Variants in SPMAP2L observed in about 807,000 individuals in gnomAD.
SPMAP2L encodes the protein sperm microtubule associated protein 2 like.
At chr4:56,590,377 G>A in the SPMAP2L span, among the ~76,000 whole-genome samples, 2 of 152,184 alleles carry the variant, frequency 1.3e-5, no homozygotes, top group African/African-American at 4.8e-5. Flanking sequence ...TCAAAATTAT[G>A]CATGGCTAAA....
the SPMAP2L span, among the ~76,000 whole-genome samples, chr4:56,544,811 C>T: frequency 6.6e-6 from 1 of 152,198 alleles, no homozygotes; most frequent in East Asian, 1.9e-4. Context: ...AGTTCCAGAC[C>T]CGCTTGTGGA....
chr4:56,566,277 C>A, the SPMAP2L span, among the ~76,000 whole-genome samples: 2 of 152,278 alleles, frequency 1.3e-5, no homozygotes, highest in Non-Finnish European at 2.9e-5. Context: ...TGGCTCACTG[C>A]AACCTCTGCC....
the SPMAP2L span, among the ~76,000 whole-genome samples, chr4:56,610,832 CAT>C: frequency 6.6e-6 from 1 of 151,950 alleles, no homozygotes; most frequent in African/African-American, 2.4e-5. Context: ...GGCCAAGAAA[CAT>C]ATGAAAAAAA....
At chr4:56,601,963 A>C in the SPMAP2L span, among the ~76,000 whole-genome samples, 5 of 152,226 alleles carry the variant, frequency 3.3e-5, no homozygotes, top group African/African-American at 1.2e-4. Context: ...AGAAGGGTAT[A>C]CAAGAAGCTA....
chr4:56,571,553 G>A, the SPMAP2L span, among the ~76,000 whole-genome samples: 1 of 152,040 alleles, frequency 6.6e-6, no homozygotes, highest in Non-Finnish European at 1.5e-5. Context: ...CTGGGCTGAA[G>A]CAATCTGCCT....
chr4:56,566,956 A>G, the SPMAP2L span, among the ~76,000 whole-genome samples: 1 of 151,628 alleles, frequency 6.6e-6, no homozygotes, highest in Non-Finnish European at 1.5e-5. Context: ...TGGCCTCCCA[A>G]AGTTCTAGGA....
At chr4:56,539,488 C>G in the SPMAP2L span, among the ~76,000 whole-genome samples, 2 of 152,188 alleles carry the variant, frequency 1.3e-5, no homozygotes, top group Admixed American at 6.5e-5. Flanking sequence ...ATGGTGCAAT[C>G]TCAGCTCACT....
the SPMAP2L span, among the ~76,000 whole-genome samples, chr4:56,616,817 T>C: frequency 0.5 from 75,583 of 151,994 alleles, 20,116 homozygotes; most frequent in African/African-American, 0.69. Context: ...CTCAGATGTT[T>C]AGTGCAAGGT....
the SPMAP2L span, among the ~76,000 whole-genome samples, chr4:56,606,677 T>C: frequency 5.9e-5 from 9 of 151,602 alleles, no homozygotes; most frequent in Admixed American, 5.9e-4. Context: ...AAATAGGAGG[T>C]TGTGTGAAGC....
the SPMAP2L span, chr4:56,584,500 C>T: frequency 6.5e-7 from 1 of 1,531,630 alleles, no homozygotes; most frequent in African/African-American, 1.4e-5. Flanking sequence ...CATATAGACC[C>T]TTCAGTGATA....
At chr4:56,615,571 A>T in the SPMAP2L span, among the ~76,000 whole-genome samples, 1 of 151,984 alleles carries the variant, frequency 6.6e-6, no homozygotes, top group Non-Finnish European at 1.5e-5. Flanking sequence ...ACATGGCGAA[A>T]CCCCGTCTCT....
the SPMAP2L span, chr4:56,595,003 C>T: frequency 1.2e-6 from 2 of 1,607,028 alleles, no homozygotes; most frequent in Non-Finnish European, 1.7e-6. Context: ...TTTGCCCAAT[C>T]ATCCCATCAT....
the SPMAP2L span, among the ~76,000 whole-genome samples, chr4:56,604,431 A>G: frequency 6.6e-6 from 1 of 152,150 alleles, no homozygotes; most frequent in Non-Finnish European, 1.5e-5. Context: ...AGGCCGAGGC[A>G]GATGGATCAC....
the SPMAP2L span, among the ~76,000 whole-genome samples, chr4:56,563,005 A>G: frequency 6.6e-6 from 1 of 151,490 alleles, no homozygotes; most frequent in Non-Finnish European, 1.5e-5. Flanking sequence ...GAACTTGTGC[A>G]TGAAACTTTC....
At chr4:56,571,194 T>A in the SPMAP2L span, among the ~76,000 whole-genome samples, 1 of 152,014 alleles carries the variant, frequency 6.6e-6, no homozygotes, top group South Asian at 2.1e-4. Flanking sequence ...ACAAACACAT[T>A]ATACAGCTAT....
At chr4:56,588,039 T>C in the SPMAP2L span, among the ~76,000 whole-genome samples, 1 of 152,248 alleles carries the variant, frequency 6.6e-6, no homozygotes, top group Non-Finnish European at 1.5e-5. Context: ...TATTGCATTG[T>C]AGTTTTGATT....
the SPMAP2L span, among the ~76,000 whole-genome samples, chr4:56,575,336 G>C: frequency 6.6e-6 from 1 of 152,072 alleles, no homozygotes; most frequent in Non-Finnish European, 1.5e-5. Flanking sequence ...AAACTTGATG[G>C]GTGTAACCGT....
At chr4:56,537,287 C>T in the SPMAP2L span, among the ~76,000 whole-genome samples, 1 of 152,182 alleles carries the variant, frequency 6.6e-6, no homozygotes, top group Non-Finnish European at 1.5e-5. Flanking sequence ...CCTAGGTGGT[C>T]ATAACCACAC....
the SPMAP2L span, among the ~76,000 whole-genome samples, chr4:56,539,654 T>A: frequency 6.6e-6 from 1 of 152,184 alleles, no homozygotes. Flanking sequence ...ACTCCTGACC[T>A]CAAGTGATCT....
Sources: gnomAD v4.1 joint callset for allele counts (sites outside exome capture counted in the v4.1 genomes callset) on GRCh38, gnomAD v4.1.1 for gene constraint, MANE v1.5 for transcripts, NCBI Gene and HGNC (gene_info 2026-07-23, HGNC 2026-07-21) for gene names.